Variants in SORCS2 observed in about 807,000 individuals in gnomAD.
The protein encoded by SORCS2 is VPS10 domain-containing receptor SorCS2.
A neutral mutation model predicts 141.6 loss-of-function variants in SORCS2; 100 were observed. That is an observed-to-expected ratio of 0.71 (90% CI 0.60 to 0.83). The LOEUF (loss-of-function observed/expected upper bound fraction) is 0.83, where lower values mean the gene tolerates loss of function less well. SORCS2 is among the 40% of genes least tolerant of loss of function. The pLI, the probability that SORCS2 is intolerant of heterozygous loss-of-function variation, is 0.00. For synonymous variants in SORCS2, 789 were observed against 676.9 expected, an observed-to-expected ratio of 1.17 and a Z score of -2.57; for missense variants, 1,646 against 1,560.2, an observed-to-expected ratio of 1.05 and a Z score of -0.93.
chr4:7,554,793 C>A (rs909414253), intron 3 of SORCS2, among the ~76,000 whole-genome samples: 1 of 152,100 alleles, frequency 6.6e-6, no homozygotes, highest in African/African-American at 2.4e-5. Flanking sequence ...CCAGAGAGGG[C>A]AATGCACAGG....
In SORCS2 at chr4:7,724,854, TGG is replaced by T. The variant is rs1560114853; in HGVS notation, c.2612-299_2612-298del. ...ATGATGGTGGAGGTGATGGTGGTAG[TGG>T]TGATGGTGGTGGTAGTGGTGATGGT... On this transcript the variant is annotated intron_variant, in intron 19 of 26. Coordinates refer to ENST00000507866, the MANE Select transcript of SORCS2 (RefSeq NM_020777.3). Among the ~76,000 whole-genome samples, 41 of 43,092 alleles carry T rather than the reference TGG, an allele frequency of 9.5e-4. 1 individual carries two copies. The highest frequency in any genetic ancestry group is 1.4e-3 in the African/African-American group (14 of 10,340). 28.3% of individuals were successfully genotyped at this position (43,092 alleles called of 152,430 possible). A position where few individuals can be genotyped will look rare whatever the true frequency, so the allele number is the denominator to read the frequency against.
At chr4:7,337,283 T>C (rs1720045892) in intron 1 of SORCS2, among the ~76,000 whole-genome samples, 1 of 152,074 alleles carries the variant, frequency 6.6e-6, no homozygotes, top group Non-Finnish European at 1.5e-5. Context: ...GAGGGATGTG[T>C]CCCAGCCCAC....
intron 23 of SORCS2, among the ~76,000 whole-genome samples, chr4:7,731,422 T>C (rs1711670904): frequency 6.6e-6 from 1 of 152,338 alleles, no homozygotes; most frequent in Non-Finnish European, 1.5e-5. Flanking sequence ...ATGCAAGGTC[T>C]ATCAAAATTT....
chr4:7,451,169 C>T (rs1256516237), intron 2 of SORCS2, among the ~76,000 whole-genome samples: 1 of 152,072 alleles, frequency 6.6e-6, no homozygotes. Context: ...AATCAGCAAG[C>T]AAGTGAATAA....
intron 3 of SORCS2, among the ~76,000 whole-genome samples, chr4:7,634,378 A>G (rs993516078): frequency 3.2e-4 from 48 of 152,194 alleles, no homozygotes; most frequent in Non-Finnish European, 6.5e-4. Context: ...TCTCAAAAAA[A>G]AAAAAAAGAA....
At chr4:7,617,988 A>G (rs1316389929) in intron 3 of SORCS2, among the ~76,000 whole-genome samples, 4 of 151,882 alleles carry the variant, frequency 2.6e-5, no homozygotes, top group African/African-American at 9.7e-5. Flanking sequence ...ACCCTACCCA[A>G]TGTCATGGCT....
At chr4:7,453,168 G>T (rs1728595957) in intron 2 of SORCS2, among the ~76,000 whole-genome samples, 1 of 143,916 alleles carries the variant, frequency 6.9e-6, no homozygotes, top group African/African-American at 2.6e-5. Flanking sequence ...TGCTGTGTTG[G>T]GGTCAGGCTC....
chr4:7,722,038 A>T (rs1274862252), intron 18 of SORCS2, among the ~76,000 whole-genome samples: 1 of 152,214 alleles, frequency 6.6e-6, no homozygotes. Context: ...CCTTGAGAAT[A>T]TACTACTTTT....
intron 1 of SORCS2, among the ~76,000 whole-genome samples, chr4:7,366,611 ACCT>A: frequency 6.6e-6 from 1 of 150,866 alleles, no homozygotes; most frequent in Non-Finnish European, 1.5e-5. Context: ...TCTGCCTGGA[ACCT>A]CCTCCTCCAG....
intron 9 of SORCS2, among the ~76,000 whole-genome samples, chr4:7,677,245 G>C (rs1723225227): frequency 6.6e-6 from 1 of 152,148 alleles, no homozygotes; most frequent in South Asian, 2.1e-4. Context: ...ACTGACCCCA[G>C]AGAACGCCCC....
chr4:7,622,810 C>G (rs1719290476), intron 3 of SORCS2, among the ~76,000 whole-genome samples: 1 of 152,162 alleles, frequency 6.6e-6, no homozygotes. Context: ...AGCTCTTTCC[C>G]CGAGAACCTT....
chr4:7,689,849 G>A (rs568233257), intron 11 of SORCS2, among the ~76,000 whole-genome samples: 1 of 152,300 alleles, frequency 6.6e-6, no homozygotes, highest in South Asian at 2.1e-4. Context: ...TGGATGGACA[G>A]ACAAATTGAT....
intron 2 of SORCS2, among the ~76,000 whole-genome samples, chr4:7,404,117 C>T (rs1195868571): frequency 4.0e-5 from 6 of 150,992 alleles, no homozygotes; most frequent in African/African-American, 1.2e-4. Context: ...GTGTCTGCCT[C>T]GTTTCACTTA....
At chr4:7,257,432 G>A (rs150271335) in intron 1 of SORCS2, among the ~76,000 whole-genome samples, 353 of 152,262 alleles carry the variant, frequency 2.3e-3, no homozygotes, top group Middle Eastern at 6.8e-3. Flanking sequence ...TATGGACCCT[G>A]AGAGGCGGCA....
At chr4:7,570,550 C>G (rs757343917) in intron 3 of SORCS2, among the ~76,000 whole-genome samples, 9 of 152,246 alleles carry the variant, frequency 5.9e-5, no homozygotes, top group Non-Finnish European at 1.0e-4. Context: ...TCCCACCTGC[C>G]TCCCACACCG....
chr4:7,278,748 G>A (rs758512163), intron 1 of SORCS2, among the ~76,000 whole-genome samples: 25 of 152,334 alleles, frequency 1.6e-4, no homozygotes, highest in Middle Eastern at 6.8e-3. Flanking sequence ...TGTGTTCTGT[G>A]TTTGCTGCCA....
At chr4:7,339,443 G>T (rs1246981893) in intron 1 of SORCS2, among the ~76,000 whole-genome samples, 2 of 152,248 alleles carry the variant, frequency 1.3e-5, no homozygotes, top group Non-Finnish European at 2.9e-5. Context: ...GTGCCTGCAA[G>T]GTTGGCTGGG....
intron 8 of SORCS2, among the ~76,000 whole-genome samples, chr4:7,668,288 G>T (rs1722613479): frequency 6.6e-6 from 1 of 152,262 alleles, no homozygotes; most frequent in Non-Finnish European, 1.5e-5. Flanking sequence ...GTGTGTATGT[G>T]TGTGTGTGCT....
intron 1 of SORCS2, among the ~76,000 whole-genome samples, chr4:7,328,889 CG>C (rs1161632345): frequency 1.3e-5 from 2 of 152,182 alleles, no homozygotes; most frequent in Admixed American, 6.5e-5. Context: ...CCCCACTTGC[CG>C]GCACCCTTGG....
Sources: gnomAD v4.1 joint callset for allele counts (sites outside exome capture counted in the v4.1 genomes callset) on GRCh38, gnomAD v4.1.1 for gene constraint, MANE v1.5 for transcripts, NCBI Gene and HGNC (gene_info 2026-07-23, HGNC 2026-07-21) for gene names.